NRG2: variants seen among roughly 807,000 people sequenced by gnomAD.
NRG2 encodes the protein neuregulin 2.
NRG2 carries 27 observed loss-of-function variants against 73.9 expected under a neutral mutation model. The observed-to-expected ratio is 0.37, with a 90% CI of 0.27 to 0.50. The LOEUF (loss-of-function observed/expected upper bound fraction) is 0.50. Among genes scored for constraint, NRG2 ranks in the 20% least tolerant of loss-of-function variants. The pLI, the probability that NRG2 is intolerant of heterozygous loss-of-function variation, is 0.96. For missense variants in NRG2, 1,126 were observed against 1,210.1 expected, an observed-to-expected ratio of 0.93 and a Z score of 1.03; for synonymous variants, 532 against 541.0, an observed-to-expected ratio of 0.98 and a Z score of 0.23.
intron 1 of NRG2, among the ~76,000 whole-genome samples, chr5:140,013,223 G>A (rs1440587197): frequency 6.6e-6 from 1 of 152,102 alleles, no homozygotes; most frequent in Non-Finnish European, 1.5e-5. Flanking sequence ...TGTTACTGTA[G>A]ATGAATTATC....
intron 5 of NRG2, 95 bp from the exon 6 acceptor site, chr5:139,855,873 C>G (rs1761775738): frequency 1.1e-6 from 1 of 910,944 alleles, no homozygotes; most frequent in Admixed American, 1.8e-5. Flanking sequence ...GCCATAGGCT[C>G]TCCCCAGCTC....
At chr5:140,037,659 A>G (rs1399316437) in intron 1 of NRG2, among the ~76,000 whole-genome samples, 2 of 151,840 alleles carry the variant, frequency 1.3e-5, no homozygotes, top group Non-Finnish European at 2.9e-5. Context: ...CCTGTAATCC[A>G]AGCACTTTGG....
rs561547610 is a variant in NRG2, at chr5:140,016,439, C to T, written c.700+25931G>A. The stretch of plus-strand genomic sequence containing the variant: ...ATTGTCTGCAATACACTTGCCTGAA[C>T]ATTCATCTTGACTCTCTCCTCAGTT... On this transcript the variant is annotated intron_variant, in intron 1 of 9. Coordinates refer to ENST00000361474, the MANE Select transcript of NRG2 (RefSeq NM_004883.3). Among the ~76,000 whole-genome samples, 330 of 152,274 alleles carry T rather than the reference C, an allele frequency of 2.2e-3. 1 individual carries two copies. The highest frequency in any genetic ancestry group is 3.7e-3 in the Non-Finnish European group (250 of 68,020).
At chr5:139,910,545 G>A (rs1043103922) in intron 1 of NRG2, among the ~76,000 whole-genome samples, 1 of 152,196 alleles carries the variant, frequency 6.6e-6, no homozygotes, top group Non-Finnish European at 1.5e-5. Context: ...CCTTTCTCAC[G>A]GGATTTCAGA....
At chr5:139,903,866 G>A (rs1765041498) in intron 1 of NRG2, among the ~76,000 whole-genome samples, 1 of 152,226 alleles carries the variant, frequency 6.6e-6, no homozygotes, top group Admixed American at 6.5e-5. Flanking sequence ...GTGGCACATG[G>A]GTAGGGGCAA....
At chr5:140,005,825 A>G (rs1315740658) in intron 1 of NRG2, among the ~76,000 whole-genome samples, 1 of 152,032 alleles carries the variant, frequency 6.6e-6, no homozygotes. Flanking sequence ...AGCTTGGGGA[A>G]ATGCATAGGA....
At chr5:139,971,161 C>A (rs1433096066) in intron 1 of NRG2, among the ~76,000 whole-genome samples, 2 of 152,106 alleles carry the variant, frequency 1.3e-5, no homozygotes, top group Non-Finnish European at 2.9e-5. Flanking sequence ...AGCCCAGAGA[C>A]CAAGCTGATG....
chr5:139,996,107 T>C (rs17118604), intron 1 of NRG2, among the ~76,000 whole-genome samples: 12,834 of 152,278 alleles, frequency 0.084, 998 homozygotes, highest in East Asian at 0.47. Flanking sequence ...AAGGTTATTT[T>C]ATTTACAAGT....
chr5:139,871,930 GGAA>G lies in NRG2; in HGVS notation c.992-92_992-90del. 5 of 1,526,996 alleles carry G rather than the reference GGAA, an allele frequency of 3.3e-6. No homozygotes were observed. In the Admixed American group the frequency reaches 9.2e-5, roughly 28 times the overall value. 94.6% of individuals were successfully genotyped at this position (1,526,996 alleles called of 1,614,324 possible). ...CTCCTTCATGCCCCACGTCAAAACT[GGAA>G]GATGACCAGAGGCTGCAGGAATGAC... On this transcript the variant is annotated intron_variant, in intron 3 of 9. Coordinates refer to ENST00000361474, the MANE Select transcript of NRG2 (RefSeq NM_004883.3).
chr5:139,944,513 A>C (rs890514842), intron 1 of NRG2, among the ~76,000 whole-genome samples: 3 of 152,096 alleles, frequency 2.0e-5, no homozygotes, highest in African/African-American at 7.2e-5. Context: ...CGAACTGTTT[A>C]ACTTTCTGTT....
At chr5:139,906,843 C>T (rs936733216) in intron 1 of NRG2, among the ~76,000 whole-genome samples, 4 of 152,208 alleles carry the variant, frequency 2.6e-5, no homozygotes, top group African/African-American at 9.7e-5. Context: ...AACACTTAAA[C>T]TGGGATTTGA....
chr5:139,891,874 T>C (rs868030256), intron 1 of NRG2, among the ~76,000 whole-genome samples: 28 of 152,346 alleles, frequency 1.8e-4, no homozygotes, highest in Middle Eastern at 6.8e-3. Context: ...AAATTACATA[T>C]GTGGATTGCA....
Position 139,851,089 on chromosome 5 carries a change from G to T in NRG2, c.1772+515C>A, listed in dbSNP as rs1472040045. Among the ~76,000 whole-genome samples the T allele has an allele frequency of 6.6e-6, 1 of 151,964 alleles. No homozygotes were observed. The highest frequency in any genetic ancestry group is 1.5e-5 in the Non-Finnish European group (1 of 67,998). On this transcript the variant is annotated intron_variant, in intron 9 of 9. Transcript: ENST00000361474. The surrounding 1 kb of genome is among the most constrained non-coding windows in gnomAD (Gnocchi z 4.2). ...TGCAACCTCCGCCTCCCAGGTGAAG[G>T]GATGCTCTTGCCTCAGCCTCCCAAG...
rs367942422 is a variant in NRG2, at chr5:139,855,997, C to T, written c.1190-219G>A. 1.1e-4 allele frequency among the ~76,000 whole-genome samples: 17 copies of T among 152,336 alleles called. No individual in the cohort carries two copies. In the South Asian group the frequency reaches 3.1e-3, roughly 28 times the overall value. On this transcript the variant is annotated intron_variant, in intron 5 of 9. Coordinates refer to ENST00000361474, the MANE Select transcript of NRG2 (RefSeq NM_004883.3). ...TCCCACCCACCCATGGATCTGGTCA[C>T]ACACAACTCCTCCTGAGTTCCCCTC...
At position 139,894,782 on chromosome 5, in the gene NRG2, T is replaced by A. The variant is rs1338414852; in HGVS notation, c.701-7271A>T. On this transcript the variant is annotated intron_variant, in intron 1 of 9. Coordinates refer to ENST00000361474, the MANE Select transcript of NRG2 (RefSeq NM_004883.3). This position sits in a 1 kb window ranked among gnomAD's most constrained non-coding sequence, Gnocchi z 5.0. Reference sequence around the variant, plus strand: ...GGTGCCAAATAAGACATGGCCCTGGTGTCGGGTTGGTCTCTGCCTCCTGTT... The same window carrying A: ...GGTGCCAAATAAGACATGGCCCTGGAGTCGGGTTGGTCTCTGCCTCCTGTT... Among the ~76,000 whole-genome samples, 2 of 152,104 alleles carry A rather than the reference T, an allele frequency of 1.3e-5. No individual in the cohort carries two copies. Among genetic ancestry groups the A allele is most frequent in the South Asian group, 4.2e-4 (2 of 4,814 alleles).
In NRG2 at chr5:139,904,662, C is replaced by A. The variant is rs920569867; in HGVS notation, c.701-17151G>T. ...CTGGGCCCACCGAGGTAGGCAAGACCGGCGCCTAAACAGGGCGCCACAGAC... is the reference window on the plus strand; with the variant it reads ...CTGGGCCCACCGAGGTAGGCAAGACAGGCGCCTAAACAGGGCGCCACAGAC... On this transcript the variant is annotated intron_variant, in intron 1 of 9. Coordinates refer to ENST00000361474, the MANE Select transcript of NRG2 (RefSeq NM_004883.3). The surrounding 1 kb of genome is among the most constrained non-coding windows in gnomAD (Gnocchi z 6.0). Among the ~76,000 whole-genome samples the A allele has an allele frequency of 6.6e-6, 1 of 152,170 alleles. No individual in the cohort carries two copies. Among genetic ancestry groups the A allele is most frequent in the African/African-American group, 2.4e-5 (1 of 41,462 alleles).
rs763694723 is a variant in NRG2, at chr5:139,868,134, G to A, written c.1113-2509C>T. Among the ~76,000 whole-genome samples the A allele has an allele frequency of 3.3e-5, 5 of 152,136 alleles. No individual in the cohort carries two copies. Among genetic ancestry groups the A allele is most frequent in the African/African-American group, 1.2e-4 (5 of 41,406 alleles). On this transcript the variant is annotated intron_variant, in intron 4 of 9. Coordinates refer to ENST00000361474, the MANE Select transcript of NRG2 (RefSeq NM_004883.3). This position sits in a 1 kb window ranked among gnomAD's most constrained non-coding sequence, Gnocchi z 4.2. Reference sequence around the variant, plus strand: ...AAAGGCACTGGGGAGGGGCACAGTGGGGGTGGTGGAAGGCTGACAGCTACT... The same window carrying A: ...AAAGGCACTGGGGAGGGGCACAGTGAGGGTGGTGGAAGGCTGACAGCTACT...
chr5:139,881,681 G>A (rs1763533114), intron 2 of NRG2, among the ~76,000 whole-genome samples: 1 of 152,232 alleles, frequency 6.6e-6, no homozygotes, highest in Non-Finnish European at 1.5e-5. Context: ...GAGTCCTAGA[G>A]GGACTTCCTG....
In NRG2 at chr5:139,929,897, T is replaced by G. The variant is rs561620829; in HGVS notation, c.701-42386A>C. Among the ~76,000 whole-genome samples the G allele has an allele frequency of 4.3e-4, 66 of 152,270 alleles. 1 individual carries two copies. The highest frequency in any genetic ancestry group is 8.7e-4 in the Non-Finnish European group (59 of 68,018). ...ATTTCAATCGATTCTGACTTTACCT[T>G]GGAGAAAAAGCAAGAAAATCACCAA... On this transcript the variant is annotated intron_variant, in intron 1 of 9. Transcript: ENST00000361474.
Sources: gnomAD v4.1 joint callset for allele counts (sites outside exome capture counted in the v4.1 genomes callset) on GRCh38, gnomAD v4.1.1 for gene constraint, Gnocchi (gnomAD v3.1) non-coding constraint, MANE v1.5 for transcripts, NCBI Gene and HGNC (gene_info 2026-07-23, HGNC 2026-07-21) for gene names.